Variants in CTH observed in about 807,000 individuals in gnomAD.
CTH encodes the protein cystathionine gamma-lyase.
CTH carries 41 observed loss-of-function variants against 50.6 expected under a neutral mutation model. The ratio of observed to expected loss-of-function variants is 0.81; its 90% CI spans 0.63 to 1.05. The LOEUF (loss-of-function observed/expected upper bound fraction) is 1.05, where lower values mean the gene tolerates loss of function less well. CTH is among the 50% of genes least tolerant of loss of function. The pLI, the probability that CTH is intolerant of heterozygous loss-of-function variation, is 0.00. For missense variants in CTH, 470 were observed against 492.6 expected (o/e 0.95, Z 0.43); for synonymous variants, 156 against 168.9 (o/e 0.92, Z 0.59).
At chr1:70,425,266 T>C (rs943110850) in intron 5 of CTH, among the ~76,000 whole-genome samples, 5 of 152,212 alleles carry the variant, frequency 3.3e-5, no homozygotes, top group African/African-American at 1.2e-4. Flanking sequence ...TAAGTATTTA[T>C]AGTGCTCTTA....
chr1:70,411,730 C>A, intron 1 of CTH, 147 bp downstream of exon 1: 1 of 1,413,562 alleles, frequency 7.1e-7, no homozygotes, highest in Non-Finnish European at 9.3e-7. Flanking sequence ...ATTCTTGCAG[C>A]ACAGCTTTGT....
chr1:70,433,671 G>A (rs963004203), intron 8 of CTH, among the ~76,000 whole-genome samples, 157 bp from the exon 9 acceptor site: 2 of 152,126 alleles, frequency 1.3e-5, no homozygotes, highest in Admixed American at 1.3e-4. Context: ...TGAAGCTGGA[G>A]AGATAGGGGC....
chr1:70,411,387 T>A lies in CTH; in HGVS notation c.-29T>A, dbSNP rs1683957346. The A allele has an allele frequency of 6.2e-7, 1 of 1,613,416 alleles. No individual in the cohort carries two copies. The highest frequency in any genetic ancestry group is 1.3e-5 in the African/African-American group (1 of 75,028). ...CGACTGGTTATATCTTCGGTGTTCTTTTCCTCTCTTCTTCTTTCGCGGTTC... is the reference window on the plus strand; with the variant it reads ...CGACTGGTTATATCTTCGGTGTTCTATTCCTCTCTTCTTCTTTCGCGGTTC... On this transcript the variant is annotated 5_prime_UTR_variant, in exon 1 of 12. Coordinates refer to ENST00000370938, the MANE Select transcript of CTH (RefSeq NM_001902.6).
intron 1 of CTH, among the ~76,000 whole-genome samples, chr1:70,415,717 T>C (rs1684076165): frequency 6.6e-6 from 1 of 152,222 alleles, no homozygotes; most frequent in African/African-American, 2.4e-5. Flanking sequence ...AAATGTGAAG[T>C]AACTTACCTA....
Position 70,421,559 on chromosome 1 carries a change from G to A in CTH, c.347-7G>A. On this transcript the variant is annotated splice_polypyrimidine_tract_variant and splice_region_variant and intron_variant, in intron 3 of 11. Transcript: ENST00000370938. The stretch of plus-strand genomic sequence containing the variant: ...TTTTCATTTTATCTGATTCCCTTCT[G>A]TCTCAGGTACAAACAGGTACTTCAG... 6.2e-7 allele frequency: 1 copy of A among 1,613,140 alleles called. No homozygotes were observed. Among genetic ancestry groups the A allele is most frequent in the South Asian group, 1.1e-5 (1 of 91,056 alleles).
chr1:70,413,316 T>G lies in CTH; in HGVS notation c.168+1733T>G, dbSNP rs539379896. ...TCTTACTCTGTCACCCAGGCTGGAG[T>G]GCAGTGGTGCGATCTCGGCTCACTG... On this transcript the variant is annotated intron_variant, in intron 1 of 11. Coordinates refer to ENST00000370938, the MANE Select transcript of CTH (RefSeq NM_001902.6). Among the ~76,000 whole-genome samples the G allele has an allele frequency of 4.4e-3, 668 of 151,192 alleles. 3 individuals carry two copies. The highest frequency in any genetic ancestry group is 7.4e-3 in the Non-Finnish European group (505 of 67,862).
intron 1 of CTH, among the ~76,000 whole-genome samples, chr1:70,414,108 A>G (rs1684035016): frequency 6.6e-6 from 1 of 152,054 alleles, no homozygotes. Context: ...TTTCTGTGGC[A>G]GAAGCCACGT....
intron 3 of CTH, among the ~76,000 whole-genome samples, chr1:70,418,527 G>A (rs1371416199): frequency 6.6e-6 from 1 of 152,182 alleles, no homozygotes; most frequent in Non-Finnish European, 1.5e-5. Context: ...TGGAATTACG[G>A]GCGCGAGCCG....
rs763195512 is a variant in CTH, at chr1:70,430,343, G to A, written c.673G>A (p.Val225Met). 2.7e-5 allele frequency: 43 copies of A among 1,602,874 alleles called. 1 individual carries two copies. The South Asian group carries it at 4.0e-4, about 15-fold the overall frequency. ...NGHSDVVMGL[V>M]SVNCESLHNR... is the part of the protein sequence containing the mutation. ...CCACAGTGATGTTGTAATGGGCCTGGTGTCTGTTAATTGTGAAAGCCTTCA... is the reference window on the plus strand; with the variant it reads ...CCACAGTGATGTTGTAATGGGCCTGATGTCTGTTAATTGTGAAAGCCTTCA... The change falls in exon 7 of 12, where the codon GTG becomes ATG. Residue 225 changes from valine to methionine, a missense_variant. By Grantham distance (21) the Val-to-Met change is conservative (BLOSUM62 1). Coordinates refer to ENST00000370938, the MANE Select transcript of CTH (RefSeq NM_001902.6).
intron 4 of CTH, 62 bp from the exon 5 acceptor site, chr1:70,424,223 A>G: frequency 6.2e-7 from 1 of 1,611,668 alleles, no homozygotes; most frequent in Non-Finnish European, 8.5e-7. Context: ...GTTACAATAT[A>G]TGAGATGTAT....
Position 70,415,996 on chromosome 1 carries a change from G to C in CTH, c.209G>C (p.Cys70Ser). ...YSRSGNPTRN[C>S]LEKAVAALDG... ...CGTTCTGGAAATCCCACTAGGAATT[G>C]CCTTGAAAAAGCAGTGGCAGCACTG... Residue 70 changes from cysteine to serine, a missense_variant, in exon 2 of 12, where the codon TGC becomes TCC. Physicochemically the swap from Cys to Ser is moderately radical, Grantham distance 112. Transcript: ENST00000370938. 1 of 1,611,250 alleles carries C rather than the reference G, an allele frequency of 6.2e-7. No homozygotes were observed.
chr1:70,417,677 T>C (rs556516656), intron 2 of CTH, among the ~76,000 whole-genome samples: 3 of 152,372 alleles, frequency 2.0e-5, no homozygotes, highest in African/African-American at 7.2e-5. Context: ...TTTCTTGAAG[T>C]GTTTCAGAGA....
chr1:70,426,526 T>C (rs1467181035), intron 5 of CTH, among the ~76,000 whole-genome samples: 1 of 152,246 alleles, frequency 6.6e-6, no homozygotes, highest in East Asian at 1.9e-4. Context: ...GCAGTTGGTA[T>C]AAACCTGCTT....
chr1:70,421,446 A>T, intron 3 of CTH, 120 bp from the exon 4 acceptor site: 1 of 1,002,834 alleles, frequency 1.0e-6, no homozygotes, highest in East Asian at 2.5e-5. Flanking sequence ...AATTGCTTTT[A>T]GTTGCATTTT....
chr1:70,433,291 G>C (rs1167647328), intron 8 of CTH, among the ~76,000 whole-genome samples: 1 of 152,194 alleles, frequency 6.6e-6, no homozygotes, highest in Non-Finnish European at 1.5e-5. Flanking sequence ...GTAAAGAGCT[G>C]TTGATTGATA....
At position 70,415,994 on chromosome 1, in the gene CTH, T is replaced by C. The variant is rs759770912; in HGVS notation, c.207T>C (p.Asn69=). The change falls in exon 2 of 12, where the codon AAT becomes AAC. Residue 69 remains asparagine, a synonymous_variant. Transcript: ENST00000370938. ...EYSRSGNPTR[N]CLEKAVAALD... ...GCCGTTCTGGAAATCCCACTAGGAA[T>C]TGCCTTGAAAAAGCAGTGGCAGCAC... The C allele has an allele frequency of 3.8e-5, 61 of 1,611,436 alleles. No individual in the cohort carries two copies. The Admixed American group carries it at 5.3e-4, about 14-fold the overall frequency.
chr1:70,432,096 T>G lies in CTH; in HGVS notation c.738T>G (p.Val246=), dbSNP rs745524978. The change falls in exon 8 of 12, where the codon GTT becomes GTG. Residue 246 remains valine (V), a synonymous_variant. Transcript: ENST00000370938. ...TTCATTTTGCAGCTCTTGGAGCAGTTCCATCTCCTATTGATTGTTACCTCT... is the reference window on the plus strand; with the variant it reads ...TTCATTTTGCAGCTCTTGGAGCAGTGCCATCTCCTATTGATTGTTACCTCT... ...LRFLQNSLGA[V]PSPIDCYLCN... The G allele has an allele frequency of 1.9e-6, 3 of 1,614,106 alleles. No homozygotes were observed. The highest frequency in any genetic ancestry group is 1.3e-5 in the African/African-American group (1 of 75,046).
chr1:70,413,000 C>CT (rs1399599833), intron 1 of CTH, among the ~76,000 whole-genome samples: 3 of 152,008 alleles, frequency 2.0e-5, no homozygotes, highest in Non-Finnish European at 2.9e-5. Flanking sequence ...TTTTTTCCCC[C>CT]TTTTGGTGGC....
intron 4 of CTH, among the ~76,000 whole-genome samples, chr1:70,423,887 A>C (rs1398533857): frequency 6.6e-6 from 1 of 152,194 alleles, no homozygotes; most frequent in Non-Finnish European, 1.5e-5. Flanking sequence ...CTTTCATTAA[A>C]ATTCTAGGAT....
Sources: gnomAD v4.1 joint callset for allele counts (sites outside exome capture counted in the v4.1 genomes callset) on GRCh38, gnomAD v4.1.1 for gene constraint, MANE v1.5 for transcripts, NCBI Gene and HGNC (gene_info 2026-07-23, HGNC 2026-07-21) for gene names.